Variants in NWD1 observed in about 807,000 individuals in gnomAD.
NWD1 encodes the protein NACHT domain- and WD repeat-containing protein 1.
Under a neutral mutation model 135.1 loss-of-function variants are expected in NWD1, and 129 were observed. The observed-to-expected ratio is 0.96, with a 90% CI of 0.83 to 1.11. NWD1 has a LOEUF of 1.11. Ranked by LOEUF, NWD1 falls within the 50% of genes least tolerant of loss-of-function variation. The pLI is 0.00. For missense variants in NWD1, 1,740 were observed against 1,851.3 expected, an observed-to-expected ratio of 0.94 and a Z score of 1.10; for synonymous variants, 773 against 786.0, an observed-to-expected ratio of 0.98 and a Z score of 0.28.
At position 16,789,296 on chromosome 19, in the gene NWD1, G is replaced by T. The variant is rs1396864921; in HGVS notation, c.2940+106G>T. ...GGCTCCCTGATACAGTGATGGGGTG[G>T]GGGTGTAAATGGAGTACACAACCAC... is the stretch of plus-strand genomic sequence containing the variant. On this transcript the variant is annotated intron_variant, in intron 13 of 18. Coordinates refer to ENST00000524140, the MANE Select transcript of NWD1 (RefSeq NM_001007525.5). The T allele has an allele frequency of 2.3e-5, 20 of 862,430 alleles. No individual in the cohort carries two copies. The South Asian group carries it at 2.4e-4, about 10-fold the overall frequency. 53.4% of individuals were successfully genotyped at this position (862,430 alleles called of 1,614,324 possible). A position where few individuals can be genotyped will look rare whatever the true frequency, so the allele number is the denominator to read the frequency against.
At chr19:16,748,133 G>A (rs562945765) in intron 5 of NWD1, among the ~76,000 whole-genome samples, 17 of 152,054 alleles carry the variant, frequency 1.1e-4, no homozygotes, top group African/African-American at 3.9e-4. Flanking sequence ...ACAGGCGTGC[G>A]GCATCACGCT....
chr19:16,752,185 G>T (rs999608684), intron 6 of NWD1, among the ~76,000 whole-genome samples: 2 of 151,348 alleles, frequency 1.3e-5, no homozygotes, highest in Non-Finnish European at 2.9e-5. Flanking sequence ...AATGCTGGAC[G>T]ACATAGTTTT....
chr19:16,787,906 TC>T (rs767784198), intron 12 of NWD1, among the ~76,000 whole-genome samples: 45,253 of 101,182 alleles, frequency 0.45, 8,064 homozygotes, highest in East Asian at 0.56. Flanking sequence ...ATAATAATAA[TC>T]ATCATCATCA....
intron 10 of NWD1, among the ~76,000 whole-genome samples, chr19:16,768,505 C>T (rs1334325158): frequency 3.3e-5 from 5 of 152,100 alleles, no homozygotes; most frequent in Non-Finnish European, 7.4e-5. Context: ...CTTCATTTTC[C>T]ACAAAAGCTA....
chr19:16,781,554 T>C (rs1969853007), intron 12 of NWD1, among the ~76,000 whole-genome samples: 1 of 151,754 alleles, frequency 6.6e-6, no homozygotes, highest in African/African-American at 2.4e-5. Context: ...AGATTGGGGC[T>C]ACAGTGAGCT....
At chr19:16,748,055 C>T (rs1406847526) in intron 5 of NWD1, among the ~76,000 whole-genome samples, 2 of 152,202 alleles carry the variant, frequency 1.3e-5, no homozygotes. Context: ...ATGATCTTGG[C>T]TCACTGCAAC....
At chr19:16,747,226 G>A (rs992948342) in intron 5 of NWD1, among the ~76,000 whole-genome samples, 3 of 151,546 alleles carry the variant, frequency 2.0e-5, no homozygotes, top group Admixed American at 6.6e-5. Context: ...TAGTAGAGAC[G>A]GGGTTTCCCC....
In NWD1 at chr19:16,789,041, G is replaced by A. The variant is rs140602425; in HGVS notation, c.2791G>A (p.Asp931Asn). ...GACCCTCGCCAACTCTGCTTCAAAG[G>A]ATTACACGCTGCACTTGTGGAACTT... ...KGTLANSASK[D>N]YTLHLWNLLS... The change falls in exon 13 of 19, where the codon GAT (aspartate) becomes AAT (asparagine). Residue 931 changes from aspartate (D) to asparagine (N), a missense_variant. By Grantham distance (23) the Asp-to-Asn change is conservative. Coordinates refer to ENST00000524140, the MANE Select transcript of NWD1 (RefSeq NM_001007525.5). 1.2e-6 allele frequency: 2 copies of A among 1,613,004 alleles called. No individual in the cohort carries two copies. The highest frequency in any genetic ancestry group is 1.7e-6 in the Non-Finnish European group (2 of 1,179,804).
At chr19:16,740,547 A>G (rs1048981833) in intron 4 of NWD1, among the ~76,000 whole-genome samples, 3 of 151,546 alleles carry the variant, frequency 2.0e-5, no homozygotes, top group African/African-American at 7.3e-5. Context: ...CATGTTGGCC[A>G]GGCTGCTCTT....
At chr19:16,747,915 C>T (rs1017993611) in intron 5 of NWD1, among the ~76,000 whole-genome samples, 4 of 152,120 alleles carry the variant, frequency 2.6e-5, no homozygotes, top group East Asian at 1.9e-4. Flanking sequence ...TTTCAATGGC[C>T]GAATAGTATC....
chr19:16,757,566 G>T (rs1348307021), intron 6 of NWD1, among the ~76,000 whole-genome samples: 5 of 152,154 alleles, frequency 3.3e-5, no homozygotes, highest in South Asian at 2.1e-4. Flanking sequence ...AGGCTCAAAC[G>T]CAAGCCTGAT....
At chr19:16,732,031 A>G (rs559077833) in intron 3 of NWD1, among the ~76,000 whole-genome samples, 2 of 151,908 alleles carry the variant, frequency 1.3e-5, no homozygotes, top group Non-Finnish European at 2.9e-5. Context: ...AGCCTAGGCA[A>G]CATGATGAAA....
At chr19:16,742,728 T>C (rs1968134476) in intron 4 of NWD1, among the ~76,000 whole-genome samples, 1 of 152,022 alleles carries the variant, frequency 6.6e-6, no homozygotes, top group African/African-American at 2.4e-5. Context: ...TGGAGTGCAA[T>C]GGCGCAATCT....
At chr19:16,727,132 A>G (rs62118202) in intron 2 of NWD1, 33,962 of 152,112 alleles carry the variant, frequency 0.22, 4,762 homozygotes, top group Middle Eastern at 0.36. Flanking sequence ...TTACACGGGT[A>G]GGCCCCAGGG....
chr19:16,801,095 T>C (rs1157143268), intron 17 of NWD1, among the ~76,000 whole-genome samples: 1 of 151,874 alleles, frequency 6.6e-6, no homozygotes, highest in African/African-American at 2.4e-5. Context: ...CTGACCAACA[T>C]GGAAAAACCC....
intron 16 of NWD1, among the ~76,000 whole-genome samples, chr19:16,799,148 A>T (rs1023061207): frequency 7.9e-5 from 12 of 152,004 alleles, no homozygotes; most frequent in African/African-American, 2.9e-4. Flanking sequence ...CTGAAAATTC[A>T]CCTTAGGTTT....
chr19:16,770,228 C>T (rs924275792), intron 10 of NWD1, among the ~76,000 whole-genome samples: 7 of 152,288 alleles, frequency 4.6e-5, no homozygotes, highest in East Asian at 3.9e-4. Flanking sequence ...TGGAGATAAT[C>T]GAATCATGGA....
chr19:16,747,872 T>C (rs76144946), intron 5 of NWD1, among the ~76,000 whole-genome samples: 3,096 of 152,350 alleles, frequency 0.02, 95 homozygotes, highest in African/African-American at 0.067. Flanking sequence ...TTGAGGTTCA[T>C]CCACATTTTA....
At chr19:16,811,343 G>T (rs1046115503) in intron 18 of NWD1, among the ~76,000 whole-genome samples, 1 of 152,070 alleles carries the variant, frequency 6.6e-6, no homozygotes, top group Non-Finnish European at 1.5e-5. Context: ...TAGCACTTTG[G>T]GAGGCTGAGG....
Sources: allele counts gnomAD v4.1 joint callset (sites outside exome capture counted in the v4.1 genomes callset), GRCh38; gene constraint gnomAD v4.1.1; transcripts MANE v1.5; gene names NCBI Gene and HGNC (gene_info 2026-07-23, HGNC 2026-07-21).